SNTG1: variants seen among roughly 807,000 people sequenced by gnomAD.
SNTG1 encodes the protein syntrophin gamma 1.
In SNTG1, 39 loss-of-function variants were observed where a neutral mutation model predicts 74.7. The ratio of observed to expected loss-of-function variants is 0.52; its 90% CI spans 0.40 to 0.68. The LOEUF (loss-of-function observed/expected upper bound fraction) is 0.68. Among genes scored for constraint, SNTG1 ranks in the 30% least tolerant of loss-of-function variants. The probability of loss-of-function intolerance (pLI) is 0.00; values close to 1 mark genes in which losing one functional copy is unlikely to be tolerated. For missense variants in SNTG1, 685 were observed against 609.5 expected (o/e 1.12, Z -1.30); for synonymous variants, 254 against 217.1 (o/e 1.17, Z -1.49).
rs144161352 is a variant in SNTG1 at position 50,778,151 on chromosome 8, C to T, written c.1396-14520C>T. 8.7e-3 allele frequency among the ~76,000 whole-genome samples: 1,317 copies of T among 152,094 alleles called. 26 individuals carry two copies. Among genetic ancestry groups the T allele is most frequent in the African/African-American group, 0.029 (1,206 of 41,490 alleles). ...AAGTGTTTGCTATTGTGAATAGTGC[C>T]GCAATAAACATACGTGTGCATGTAT... On this transcript the variant is annotated intron_variant, in intron 18 of 18. Coordinates refer to ENST00000642720, the MANE Select transcript of SNTG1 (RefSeq NM_018967.5).
chr8:49,941,640 C>T (rs941251399), intron 1 of SNTG1, among the ~76,000 whole-genome samples: 2 of 151,964 alleles, frequency 1.3e-5, no homozygotes, highest in Non-Finnish European at 2.9e-5. Flanking sequence ...GAGTGAGCCC[C>T]TCTGGGCTCT....
At chr8:50,149,609 T>G (rs1039103928) in intron 1 of SNTG1, among the ~76,000 whole-genome samples, 2 of 152,242 alleles carry the variant, frequency 1.3e-5, no homozygotes, top group African/African-American at 4.8e-5. Context: ...TTTCTTCATA[T>G]GGCTAGCCAG....
chr8:50,200,121 TG>T (rs2083930373), intron 2 of SNTG1, among the ~76,000 whole-genome samples: 2 of 152,218 alleles, frequency 1.3e-5, no homozygotes, highest in South Asian at 4.1e-4. Context: ...CCCTGCTTCC[TG>T]CCAGACATTG....
intron 1 of SNTG1, among the ~76,000 whole-genome samples, chr8:50,149,236 T>C (rs1211224527): frequency 6.6e-6 from 1 of 152,108 alleles, no homozygotes; most frequent in East Asian, 1.9e-4. Flanking sequence ...TTTGATGGGG[T>C]TGTTTGTTTT....
intron 2 of SNTG1, among the ~76,000 whole-genome samples, chr8:50,213,671 G>C (rs569431889): frequency 6.6e-5 from 10 of 151,838 alleles, no homozygotes; most frequent in African/African-American, 2.4e-5. Context: ...GCATTTCTCT[G>C]ATGGCCAGTG....
At chr8:50,266,794 T>C (rs2087505303) in intron 2 of SNTG1, among the ~76,000 whole-genome samples, 3 of 151,692 alleles carry the variant, frequency 2.0e-5, no homozygotes. Flanking sequence ...AATCATTGTG[T>C]GATTCTTGCC....
In SNTG1 at chr8:50,312,291, C is replaced by T. The variant is rs144614176; in HGVS notation, c.-27-81921C>T. ...CATCTATCTTTTCTGGTCAATTCCC[C>T]GCTAGTCTTATTTCCAAGGAGAGGG... is the stretch of plus-strand genomic sequence containing the variant. On this transcript the variant is annotated intron_variant, in intron 2 of 18. Transcript: ENST00000642720. Among the ~76,000 whole-genome samples the T allele has an allele frequency of 2.8e-3, 423 of 152,080 alleles. 4 individuals are homozygous for T. Among genetic ancestry groups the T allele is most frequent in the African/African-American group, 9.7e-3 (404 of 41,500 alleles).
intron 9 of SNTG1, among the ~76,000 whole-genome samples, chr8:50,509,639 C>G (rs1044346427): frequency 9.2e-5 from 14 of 152,022 alleles, no homozygotes; most frequent in African/African-American, 3.1e-4. Context: ...CACATCCTTT[C>G]TAAGTTGGAT....
chr8:50,383,310 A>G (rs986385793), intron 2 of SNTG1, among the ~76,000 whole-genome samples: 2 of 152,206 alleles, frequency 1.3e-5, no homozygotes, highest in African/African-American at 2.4e-5. Flanking sequence ...AAAGGCCTTG[A>G]GTAATCTCCT....
At chr8:50,366,332 C>T (rs1169957606) in intron 2 of SNTG1, among the ~76,000 whole-genome samples, 1 of 152,142 alleles carries the variant, frequency 6.6e-6, no homozygotes, top group Non-Finnish European at 1.5e-5. Flanking sequence ...AGAACTGCAT[C>T]TTTACCCAAT....
chr8:50,704,939 T>C (rs1397528543), intron 16 of SNTG1, among the ~76,000 whole-genome samples, 187 bp downstream of exon 16: 1 of 152,214 alleles, frequency 6.6e-6, no homozygotes, highest in Non-Finnish European at 1.5e-5. Flanking sequence ...TTTTAATTTT[T>C]CCACGACTTG....
chr8:50,431,639 C>T (rs989659440), intron 4 of SNTG1, among the ~76,000 whole-genome samples: 1 of 152,116 alleles, frequency 6.6e-6, no homozygotes, highest in African/African-American at 2.4e-5. Flanking sequence ...CTTTTGCATT[C>T]ACACCAATAA....
At chr8:50,543,852 T>C (rs559590798) in intron 11 of SNTG1, among the ~76,000 whole-genome samples, 4 of 152,184 alleles carry the variant, frequency 2.6e-5, no homozygotes, top group African/African-American at 9.6e-5. Flanking sequence ...CAGCATTTAG[T>C]TTTGTTGCTT....
intron 13 of SNTG1, among the ~76,000 whole-genome samples, chr8:50,616,297 G>A (rs931432849): frequency 2.0e-5 from 3 of 152,064 alleles, no homozygotes; most frequent in Non-Finnish European, 2.9e-5. Flanking sequence ...AATGAGATTC[G>A]GGCTTCTAAG....
intron 2 of SNTG1, among the ~76,000 whole-genome samples, chr8:50,322,616 T>A (rs13274450): frequency 0.55 from 83,262 of 151,938 alleles, 24,683 homozygotes; most frequent in East Asian, 0.84. Flanking sequence ...CTTTGAATAA[T>A]TGTTCTATTC....
chr8:49,961,077 A>G (rs1810640243), intron 1 of SNTG1, among the ~76,000 whole-genome samples: 1 of 152,178 alleles, frequency 6.6e-6, no homozygotes, highest in Non-Finnish European at 1.5e-5. Flanking sequence ...AGAATAAAAC[A>G]TATGGACAGT....
chr8:50,597,712 C>A (rs1232492286), intron 13 of SNTG1, among the ~76,000 whole-genome samples: 1 of 151,852 alleles, frequency 6.6e-6, no homozygotes, highest in Admixed American at 6.6e-5. Flanking sequence ...TCCTTTCCAA[C>A]ATTTGTTATT....
At chr8:50,291,627 A>G (rs926141448) in intron 2 of SNTG1, among the ~76,000 whole-genome samples, 1 of 152,138 alleles carries the variant, frequency 6.6e-6, no homozygotes, top group Non-Finnish European at 1.5e-5. Context: ...TATGATAGAG[A>G]ATCAATGCAG....
At chr8:50,202,019 C>T (rs2084005951) in intron 2 of SNTG1, among the ~76,000 whole-genome samples, 1 of 152,036 alleles carries the variant, frequency 6.6e-6, no homozygotes, top group Non-Finnish European at 1.5e-5. Context: ...AATACAGCAC[C>T]GTTCTTATGT....
Sources: allele counts gnomAD v4.1 joint callset (sites outside exome capture counted in the v4.1 genomes callset), GRCh38; gene constraint gnomAD v4.1.1; transcripts MANE v1.5; gene names NCBI Gene and HGNC (gene_info 2026-07-23, HGNC 2026-07-21).